Variants in STK32B observed in about 807,000 individuals in gnomAD.
The protein encoded by STK32B is serine/threonine kinase 32B.
STK32B carries 43 observed loss-of-function variants against 52.6 expected under a neutral mutation model. The observed-to-expected ratio is 0.82, with a 90% CI of 0.64 to 1.05. STK32B has a LOEUF of 1.05. STK32B is among the 50% of genes least tolerant of loss of function. The pLI, the probability that STK32B is intolerant of heterozygous loss-of-function variation, is 0.00. For synonymous variants in STK32B, 238 were observed against 204.3 expected (o/e 1.17, Z -1.41); for missense variants, 621 against 534.6 (o/e 1.16, Z -1.59).
At chr4:5,487,617 A>C (rs972295130) in intron 11 of STK32B, among the ~76,000 whole-genome samples, 1 of 152,188 alleles carries the variant, frequency 6.6e-6, no homozygotes, top group Non-Finnish European at 1.5e-5. Context: ...CACCAATACA[A>C]CTTGACCAAA....
At position 5,160,782 on chromosome 4, in the gene STK32B, C is replaced by T. The variant is rs137867001; in HGVS notation, c.109-7517C>T. Reference sequence around the variant, plus strand: ...GTAGGGGGAGTGGACAATGGATGCACGAAGCAGGAAGCATGTCCTGTGATG... The same window carrying T: ...GTAGGGGGAGTGGACAATGGATGCATGAAGCAGGAAGCATGTCCTGTGATG... On this transcript the variant is annotated intron_variant, in intron 2 of 11. Transcript: ENST00000282908. Among the ~76,000 whole-genome samples the T allele has an allele frequency of 1.2e-3, 187 of 152,274 alleles. 2 individuals carry two copies. Among genetic ancestry groups the T allele is most frequent in the Admixed American group, 9.6e-3 (147 of 15,302 alleles).
At chr4:5,170,809 C>T (rs1719308849) in intron 3 of STK32B, among the ~76,000 whole-genome samples, 1 of 152,136 alleles carries the variant, frequency 6.6e-6, no homozygotes, top group Non-Finnish European at 1.5e-5. Flanking sequence ...ATTTATAATC[C>T]TTTGGGTATA....
At chr4:5,279,700 T>TCA (rs769893714) in intron 3 of STK32B, among the ~76,000 whole-genome samples, 10 of 152,118 alleles carry the variant, frequency 6.6e-5, no homozygotes, top group Non-Finnish European at 1.3e-4. Flanking sequence ...CTCCGCCAGG[T>TCA]GTTGCCATAC....
At chr4:5,329,582 C>G (rs560788897) in intron 3 of STK32B, among the ~76,000 whole-genome samples, 1 of 152,190 alleles carries the variant, frequency 6.6e-6, no homozygotes, top group Non-Finnish European at 1.5e-5. Flanking sequence ...AATGCCAGCC[C>G]GTGCATTGTC....
intron 4 of STK32B, among the ~76,000 whole-genome samples, chr4:5,339,580 T>G (rs1732933424): frequency 6.6e-6 from 1 of 152,192 alleles, no homozygotes; most frequent in Admixed American, 6.5e-5. Flanking sequence ...TACCAGACAC[T>G]TTCAATGCCG....
chr4:5,159,883 C>T (rs935497930), intron 2 of STK32B, among the ~76,000 whole-genome samples: 8 of 151,426 alleles, frequency 5.3e-5, no homozygotes, highest in Non-Finnish European at 1.0e-4. Flanking sequence ...TTAGGATGAA[C>T]AGTCAGGCTG....
chr4:5,335,674 T>TTG (rs963191852), intron 4 of STK32B, among the ~76,000 whole-genome samples: 1 of 152,180 alleles, frequency 6.6e-6, no homozygotes, highest in Admixed American at 6.5e-5. Flanking sequence ...TTCTGGTATG[T>TTG]TGTGTCTTTG....
intron 6 of STK32B, chr4:5,438,023 C>G (rs1714256548): frequency 2.0e-6 from 2 of 985,422 alleles, no homozygotes; most frequent in Admixed American, 6.1e-5. Context: ...CAGGATCACT[C>G]TGCTGCTGCT....
chr4:5,061,530 A>T (rs1648691898), intron 1 of STK32B, among the ~76,000 whole-genome samples: 1 of 152,336 alleles, frequency 6.6e-6, no homozygotes, highest in African/African-American at 2.4e-5. Context: ...AAAAAATTGC[A>T]TGCTGGGTAT....
chr4:5,334,152 T>C (rs2108958933), intron 4 of STK32B, among the ~76,000 whole-genome samples: 1 of 152,124 alleles, frequency 6.6e-6, no homozygotes, highest in Middle Eastern at 3.4e-3. Context: ...TTTTATTTCA[T>C]TGAGCAGTGG....
intron 3 of STK32B, among the ~76,000 whole-genome samples, chr4:5,196,711 ACT>A (rs1721705047): frequency 2.0e-5 from 3 of 149,184 alleles, no homozygotes; most frequent in Admixed American, 6.9e-5. Context: ...GCAGAGCGAG[ACT>A]CTGTCTCAAA....
At chr4:5,361,214 G>A (rs930448246) in intron 4 of STK32B, among the ~76,000 whole-genome samples, 8 of 152,098 alleles carry the variant, frequency 5.3e-5, no homozygotes, top group Non-Finnish European at 1.0e-4. Context: ...TTATCCATTC[G>A]TTGGTCAATG....
chr4:5,051,112 T>C (rs1741753070), upstream of STK32B, among the ~76,000 whole-genome samples: 1 of 152,086 alleles, frequency 6.6e-6, no homozygotes, highest in Admixed American at 6.5e-5. Context: ...CATCCCAATA[T>C]GAATGGGCAA....
At chr4:5,169,047 A>G (rs1325905772) in intron 3 of STK32B, among the ~76,000 whole-genome samples, 4 of 152,084 alleles carry the variant, frequency 2.6e-5, no homozygotes, top group African/African-American at 4.8e-5. Context: ...TAAAACACTC[A>G]CGTCCCCTTC....
chr4:5,121,374 T>A (rs1348170516), intron 1 of STK32B, among the ~76,000 whole-genome samples: 1 of 152,188 alleles, frequency 6.6e-6, no homozygotes, highest in Non-Finnish European at 1.5e-5. Flanking sequence ...GTAAGCACTT[T>A]ACATGTATTA....
chr4:5,116,178 A>C (rs1383771356), intron 1 of STK32B, among the ~76,000 whole-genome samples: 3 of 151,592 alleles, frequency 2.0e-5, no homozygotes, highest in African/African-American at 7.3e-5. Flanking sequence ...GTGTGTGTGC[A>C]TGCACGCACA....
At chr4:5,323,068 G>A (rs1373126492) in intron 3 of STK32B, among the ~76,000 whole-genome samples, 1 of 152,172 alleles carries the variant, frequency 6.6e-6, no homozygotes, top group Non-Finnish European at 1.5e-5. Context: ...GTTGGGACAA[G>A]TGTTAAGGGA....
chr4:5,369,286 G>C (rs1735076124), intron 4 of STK32B, among the ~76,000 whole-genome samples: 1 of 151,924 alleles, frequency 6.6e-6, no homozygotes, highest in Admixed American at 6.6e-5. Flanking sequence ...ACAGTGCCCA[G>C]CTGAGGGACC....
intron 2 of STK32B, among the ~76,000 whole-genome samples, chr4:5,164,352 A>T (rs34674316): frequency 0.23 from 35,127 of 151,836 alleles, 4,361 homozygotes; most frequent in East Asian, 0.29. Flanking sequence ...TTCCGCCTGG[A>T]TGTGTCTCCT....
Sources: gnomAD v4.1 joint callset for allele counts (sites outside exome capture counted in the v4.1 genomes callset) on GRCh38, gnomAD v4.1.1 for gene constraint, MANE v1.5 for transcripts, NCBI Gene and HGNC (gene_info 2026-07-23, HGNC 2026-07-21) for gene names.